Variants in PLPP1 observed in about 807,000 individuals in gnomAD.
PLPP1 encodes the protein lipid phosphate phosphohydrolase 1a.
PLPP1 carries 24 observed loss-of-function variants against 31.2 expected under a neutral mutation model. That is an observed-to-expected ratio of 0.77 (90% CI 0.56 to 1.08). The LOEUF is 1.08. Ranked by LOEUF, PLPP1 falls within the 50% of genes least tolerant of loss-of-function variation. The pLI is 0.00. For synonymous variants in PLPP1, 146 were observed against 126.3 expected (o/e 1.16, Z -1.05); for missense variants, 319 against 342.7 (o/e 0.93, Z 0.55).
chr5:55,439,774 C>T (rs1293674869), intron 4 of PLPP1, among the ~76,000 whole-genome samples: 2 of 151,988 alleles, frequency 1.3e-5, no homozygotes, highest in African/African-American at 4.8e-5. Context: ...TGAGAAGGGT[C>T]AAGGAAGAAG....
At chr5:55,473,994 G>GTTTTTGGTT (rs59649742) in intron 2 of PLPP1, among the ~76,000 whole-genome samples, 2 of 144,992 alleles carry the variant, frequency 1.4e-5, no homozygotes, top group Non-Finnish European at 3.0e-5. Flanking sequence ...TTGTTTGTTT[G>GTTTTTGGTT]TTGTTTTTTT....
intron 3 of PLPP1, among the ~76,000 whole-genome samples, chr5:55,458,916 A>AAAAAAC (rs1752087974): frequency 6.8e-6 from 1 of 146,330 alleles, no homozygotes; most frequent in Non-Finnish European, 1.5e-5. Flanking sequence ...AAAAAAAAAA[A>AAAAAAC]CACATAGCAA....
At chr5:55,529,230 A>C (rs948892417) in intron 1 of PLPP1, among the ~76,000 whole-genome samples, 1 of 149,972 alleles carries the variant, frequency 6.7e-6, no homozygotes, top group Non-Finnish European at 1.5e-5. Context: ...ATAACCTGAA[A>C]AACTGCATAC....
chr5:55,446,472 A>G (rs1751767719), intron 3 of PLPP1, among the ~76,000 whole-genome samples: 1 of 152,054 alleles, frequency 6.6e-6, no homozygotes, highest in South Asian at 2.1e-4. Flanking sequence ...CTCTTATTTT[A>G]GTCTACACCT....
Position 55,425,016 on chromosome 5 carries a change from G to A in PLPP1, c.*190C>T, listed in dbSNP as rs1751133622. 1.2e-6 allele frequency: 1 copy of A among 808,882 alleles called. No individual in the cohort carries two copies. The highest frequency in any genetic ancestry group is 1.9e-6 in the Non-Finnish European group (1 of 520,768). The allele number at this position is 808,882 out of a possible 1,614,324, so 50.1% of individuals were successfully genotyped here. Reference sequence around the variant, plus strand: ...GGAAGGCTTGGAGTTTTTTTAATGAGTTTAGAGCTATTAGATAACCACTGA... The same window carrying A: ...GGAAGGCTTGGAGTTTTTTTAATGAATTTAGAGCTATTAGATAACCACTGA... On this transcript the variant is annotated 3_prime_UTR_variant, in exon 6 of 6. Transcript: ENST00000307259.
At position 55,425,037 on chromosome 5, in the gene PLPP1, A is replaced by G. The variant is rs1232190862; in HGVS notation, c.*169T>C. 5 of 924,218 alleles carry G rather than the reference A, an allele frequency of 5.4e-6. No individual in the cohort carries two copies. In the Admixed American group the frequency reaches 1.2e-4, roughly 23 times the overall value. The allele number at this position is 924,218 out of a possible 1,614,324, so 57.3% of individuals were successfully genotyped here. On this transcript the variant is annotated 3_prime_UTR_variant, in exon 6 of 6. Transcript: ENST00000307259. ...ATGAGTTTAGAGCTATTAGATAACC[A>G]CTGAGTTAAAGGTAACTATGTACAC...
rs537093603 is a variant in PLPP1 at position 55,448,496 on chromosome 5, G to C, written c.492-6588C>G. ...AGAGTCTTGCTCTGTCGCCCAGGCT[G>C]GAGTGCCGTGGTGCAATCTTGGCTC... is the stretch of plus-strand genomic sequence containing the variant. On this transcript the variant is annotated intron_variant, in intron 3 of 5. Transcript: ENST00000307259. 1.9e-4 allele frequency among the ~76,000 whole-genome samples: 27 copies of C among 142,842 alleles called. No homozygotes were observed. In the South Asian group the frequency reaches 6.0e-3, roughly 32 times the overall value. The allele number at this position is 142,842 out of a possible 152,430, so 93.7% of individuals were successfully genotyped here. A position where few individuals can be genotyped will look rare whatever the true frequency, so the allele number is the denominator to read the frequency against.
chr5:55,458,916 A>AAAAAAAAAC (rs1752087974), intron 3 of PLPP1, among the ~76,000 whole-genome samples: 1 of 146,330 alleles, frequency 6.8e-6, no homozygotes, highest in Non-Finnish European at 1.5e-5. Context: ...AAAAAAAAAA[A>AAAAAAAAAC]CACATAGCAA....
rs1239476024 is a variant in PLPP1 at position 55,492,215 on chromosome 5, AT to A, written c.59-16766del. 9.9e-5 allele frequency among the ~76,000 whole-genome samples: 15 copies of A among 152,212 alleles called. 1 individual carries two copies. The highest frequency in any genetic ancestry group is 3.6e-4 in the African/African-American group (15 of 41,464). On this transcript the variant is annotated intron_variant, in intron 1 of 5. Transcript: ENST00000307259. ...ACTAAGCCATACTTAGGGAAGACAA[AT>A]TTGTATAAAACCAATACTAAATTCA...
intron 5 of PLPP1, chr5:55,425,564 A>AAAAG: frequency 2.2e-6 from 1 of 464,752 alleles, no homozygotes; most frequent in South Asian, 5.1e-5. Context: ...AATACTGAAT[A>AAAAG]AAAGAGTTAT....
intron 4 of PLPP1, among the ~76,000 whole-genome samples, chr5:55,436,416 T>A (rs1270906372): frequency 6.6e-6 from 1 of 152,226 alleles, no homozygotes. Flanking sequence ...AAGCTCTCTC[T>A]GCCTGCCGCC....
intron 1 of PLPP1, among the ~76,000 whole-genome samples, chr5:55,498,277 A>G (rs906072284): frequency 3.3e-5 from 5 of 152,152 alleles, no homozygotes; most frequent in African/African-American, 9.7e-5. Flanking sequence ...ATACTAGTGT[A>G]TATTAGAGAT....
chr5:55,464,436 A>G (rs1023828098), intron 3 of PLPP1, among the ~76,000 whole-genome samples: 5 of 152,052 alleles, frequency 3.3e-5, no homozygotes, highest in African/African-American at 9.7e-5. Flanking sequence ...GGGTTTCACT[A>G]CGTTGGCCAG....
intron 1 of PLPP1, among the ~76,000 whole-genome samples, chr5:55,509,404 G>A (rs1226570887): frequency 6.6e-6 from 1 of 152,136 alleles, no homozygotes; most frequent in Non-Finnish European, 1.5e-5. Flanking sequence ...ACTTTTAGAG[G>A]CACCTACATT....
rs1554037412 is a variant in PLPP1, at chr5:55,444,743, T to TTGTG, written c.492-2839_492-2836dup. 7.1e-3 allele frequency among the ~76,000 whole-genome samples: 980 copies of TTGTG among 137,366 alleles called. 17 individuals carry two copies. The highest frequency in any genetic ancestry group is 0.025 in the African/African-American group (924 of 37,124). 90.1% of individuals were successfully genotyped at this position (137,366 alleles called of 152,430 possible). The stretch of plus-strand genomic sequence containing the variant: ...AAATCACTATGAATGGGATTCTATT[T>TTGTG]TGTGTGTGTGTGTGTGTGTGTGTGT... On this transcript the variant is annotated intron_variant, in intron 3 of 5. Coordinates refer to ENST00000307259, the MANE Select transcript of PLPP1 (RefSeq NM_003711.4).
chr5:55,458,457 T>C (rs1752069739), intron 3 of PLPP1, among the ~76,000 whole-genome samples: 1 of 152,020 alleles, frequency 6.6e-6, no homozygotes, highest in Non-Finnish European at 1.5e-5. Context: ...AAGATGTATA[T>C]TGTAACCCCT....
intron 4 of PLPP1, among the ~76,000 whole-genome samples, chr5:55,428,141 T>C (rs566832748): frequency 6.6e-6 from 1 of 152,328 alleles, no homozygotes; most frequent in African/African-American, 2.4e-5. Context: ...GTTTTTCTCC[T>C]TACACATCTA....
intron 1 of PLPP1, among the ~76,000 whole-genome samples, chr5:55,521,068 C>T (rs1450340922): frequency 2.0e-5 from 3 of 151,766 alleles, no homozygotes; most frequent in Admixed American, 1.3e-4. Context: ...AAAAATTAGC[C>T]GGAGCTGGGG....
At chr5:55,513,208 G>A (rs1214628438) in intron 1 of PLPP1, among the ~76,000 whole-genome samples, 1 of 150,820 alleles carries the variant, frequency 6.6e-6, no homozygotes, top group Non-Finnish European at 1.5e-5. Context: ...TCATAGTAAG[G>A]CCCATATTCC....
Sources: allele counts gnomAD v4.1 joint callset (sites outside exome capture counted in the v4.1 genomes callset), GRCh38; gene constraint gnomAD v4.1.1; transcripts MANE v1.5; gene names NCBI Gene and HGNC (gene_info 2026-07-23, HGNC 2026-07-21).